FHIT: variants seen among roughly 807,000 people sequenced by gnomAD.
The protein encoded by FHIT is bis(5'-adenosyl)-triphosphatase.
FHIT carries 19 observed loss-of-function variants against 17.9 expected under a neutral mutation model. The ratio of observed to expected loss-of-function variants is 1.06; its 90% confidence interval spans 0.74 to 1.56. The LOEUF is 1.56. FHIT is among the 40% of genes most tolerant of loss of function. FHIT has a pLI of 0.00. For synonymous variants in FHIT, 81 were observed against 69.7 expected (o/e 1.16, Z -0.81); for missense variants, 248 against 189.2 (o/e 1.31, Z -1.82).
chr3:60,614,093 A>T (rs2107737301), intron 4 of FHIT, among the ~76,000 whole-genome samples: 1 of 152,280 alleles, frequency 6.6e-6, no homozygotes, highest in Non-Finnish European at 1.5e-5. Context: ...ATTAATAAGC[A>T]GCCATGACTG....
intron 3 of FHIT, among the ~76,000 whole-genome samples, chr3:60,926,284 A>G (rs1389704952): frequency 1.3e-5 from 2 of 152,226 alleles, no homozygotes; most frequent in Non-Finnish European, 2.9e-5. Flanking sequence ...CACCTATTCC[A>G]AAATTGACTA....
chr3:60,713,724 C>T (rs1220102623), intron 4 of FHIT, among the ~76,000 whole-genome samples: 17 of 152,254 alleles, frequency 1.1e-4, no homozygotes, highest in South Asian at 2.1e-4. Context: ...CAAGACTAAA[C>T]GAAACGAGGA....
At chr3:60,659,739 G>T (rs1236192902) in intron 4 of FHIT, among the ~76,000 whole-genome samples, 1 of 151,810 alleles carries the variant, frequency 6.6e-6, no homozygotes, top group East Asian at 1.9e-4. Flanking sequence ...TAGACTCTTT[G>T]TCTAGTAGAT....
chr3:61,211,990 AC>A (rs2039493328), intron 1 of FHIT, among the ~76,000 whole-genome samples: 1 of 152,194 alleles, frequency 6.6e-6, no homozygotes, highest in Non-Finnish European at 1.5e-5. Context: ...GGACATCCAC[AC>A]CAAAAATCTG....
intron 4 of FHIT, among the ~76,000 whole-genome samples, chr3:60,591,101 C>G (rs1553664099): frequency 6.6e-6 from 1 of 152,024 alleles, no homozygotes; most frequent in African/African-American, 2.4e-5. Context: ...CATAAAATCC[C>G]TAAAGAACTT....
At chr3:60,724,165 G>A (rs2041867506) in intron 4 of FHIT, among the ~76,000 whole-genome samples, 1 of 152,044 alleles carries the variant, frequency 6.6e-6, no homozygotes, top group African/African-American at 2.4e-5. Flanking sequence ...ACCCAGCTAG[G>A]CAACCACTAG....
intron 7 of FHIT, among the ~76,000 whole-genome samples, chr3:59,929,630 A>G (rs1314789581): frequency 6.6e-6 from 1 of 151,852 alleles, no homozygotes; most frequent in African/African-American, 2.4e-5. Context: ...CCCAGCATCT[A>G]TTGTTCTATG....
chr3:61,172,682 A>ATGT (rs1182999932), intron 2 of FHIT, among the ~76,000 whole-genome samples: 1 of 152,176 alleles, frequency 6.6e-6, no homozygotes, highest in Non-Finnish European at 1.5e-5. Context: ...CTATGTCCAA[A>ATGT]CACTTTCTGT....
intron 3 of FHIT, among the ~76,000 whole-genome samples, chr3:60,907,740 G>A (rs982571415): frequency 2.6e-5 from 4 of 152,152 alleles, no homozygotes; most frequent in Non-Finnish European, 5.9e-5. Flanking sequence ...GGATCCTCAA[G>A]GGGGAAGAGT....
intron 5 of FHIT, among the ~76,000 whole-genome samples, chr3:60,468,667 G>C (rs538249424): frequency 6.6e-6 from 1 of 151,908 alleles, no homozygotes; most frequent in African/African-American, 2.4e-5. Flanking sequence ...TATTATTTTT[G>C]ATAGATTCAT....
chr3:60,515,457 C>T (rs867541968), intron 5 of FHIT, among the ~76,000 whole-genome samples: 3 of 146,422 alleles, frequency 2.0e-5, no homozygotes, highest in African/African-American at 7.5e-5. Context: ...AAGATAAATG[C>T]ATTTCAAGAG....
At chr3:60,209,332 C>T (rs900714617) in intron 5 of FHIT, among the ~76,000 whole-genome samples, 3 of 152,270 alleles carry the variant, frequency 2.0e-5, no homozygotes, top group South Asian at 4.2e-4. Context: ...GGCACTGTAA[C>T]AGTGGCTAGG....
chr3:60,160,018 G>A (rs1700868881), intron 5 of FHIT, among the ~76,000 whole-genome samples: 1 of 152,150 alleles, frequency 6.6e-6, no homozygotes, highest in South Asian at 2.1e-4. Flanking sequence ...AAACTAAGAT[G>A]TCTGCTATAC....
chr3:60,043,047 G>A (rs1701506864), intron 5 of FHIT, among the ~76,000 whole-genome samples: 1 of 152,176 alleles, frequency 6.6e-6, no homozygotes, highest in African/African-American at 2.4e-5. Context: ...TTTTATGCCA[G>A]CCTTTTCAAC....
intron 5 of FHIT, among the ~76,000 whole-genome samples, chr3:60,292,519 T>C (rs17340442): frequency 0.013 from 2,042 of 152,260 alleles, 21 homozygotes; most frequent in Middle Eastern, 0.034. Flanking sequence ...CAAATATTTA[T>C]AGTTAGTCCT....
rs190973396 is a variant in FHIT at position 60,763,810 on chromosome 3, T to C, written c.-18+58109A>G. 2.0e-5 allele frequency among the ~76,000 whole-genome samples: 3 copies of C among 152,320 alleles called. No homozygotes were observed. In the East Asian group the frequency reaches 5.8e-4, roughly 29 times the overall value. ...TCAGGGATAACATTTTAATTTGAAA[T>C]GAAGTGGAAGAATGTTTCATATCAG... On this transcript the variant is annotated intron_variant, in intron 4 of 9. Coordinates refer to ENST00000492590, the MANE Select transcript of FHIT (RefSeq NM_002012.4).
chr3:60,143,898 C>G (rs566732346), intron 5 of FHIT, among the ~76,000 whole-genome samples: 2 of 152,208 alleles, frequency 1.3e-5, no homozygotes, highest in East Asian at 3.9e-4. Flanking sequence ...ACAGGCCATA[C>G]AGCATAAGCA....
chr3:59,964,079 G>A (rs17302746), intron 7 of FHIT, among the ~76,000 whole-genome samples: 5,205 of 152,176 alleles, frequency 0.034, 168 homozygotes, highest in Admixed American at 0.085. Context: ...ATGGAATGAC[G>A]TTTTAAATAA....
intron 3 of FHIT, among the ~76,000 whole-genome samples, chr3:60,915,890 G>A (rs562257045): frequency 3.9e-5 from 6 of 151,984 alleles, no homozygotes; most frequent in Non-Finnish European, 7.4e-5. Flanking sequence ...CATACAAAGT[G>A]AAAAATTGAA....
Sources: gnomAD v4.1 joint callset for allele counts (sites outside exome capture counted in the v4.1 genomes callset) on GRCh38, gnomAD v4.1.1 for gene constraint, MANE v1.5 for transcripts, NCBI Gene and HGNC (gene_info 2026-07-23, HGNC 2026-07-21) for gene names.